The following PTPRD variants were observed in gnomAD, a reference collection of about 807,000 sequenced individuals.
PTPRD encodes protein tyrosine phosphatase receptor type D.
In PTPRD, 34 loss-of-function variants were observed where a neutral mutation model predicts 214.5. The observed-to-expected ratio is 0.16, with a 90% CI of 0.12 to 0.21. The LOEUF (loss-of-function observed/expected upper bound fraction) is 0.21, where lower values mean the gene tolerates loss of function less well. Among genes scored for constraint, PTPRD ranks in the 10% least tolerant of loss-of-function variants. PTPRD has a pLI of 1.00. For synonymous variants in PTPRD, 1,128 were observed against 845.7 expected (o/e 1.33, Z -5.79); for missense variants, 2,545 against 2,398.7 (o/e 1.06, Z -1.27).
chr9:9,146,127 T>G (rs930566938), intron 10 of PTPRD, among the ~76,000 whole-genome samples: 1 of 152,220 alleles, frequency 6.6e-6, no homozygotes, highest in South Asian at 2.1e-4. Flanking sequence ...CATTTTCCAC[T>G]GTGATAATTT....
At chr9:8,473,681 T>A (rs1318195814) in intron 30 of PTPRD, among the ~76,000 whole-genome samples, 1 of 151,742 alleles carries the variant, frequency 6.6e-6, no homozygotes, top group Non-Finnish European at 1.5e-5. Context: ...GCCATTCTTG[T>A]ACATGAAAAA....
rs779055381 is a variant in PTPRD at position 9,764,243 on chromosome 9, A to AT, written c.-326+2566dup. ...ATTATGGGCATGCTATGGAGGTATA[A>AT]TTTTTTCTAATCTATCTACATTTTA... On this transcript the variant is annotated intron_variant, in intron 6 of 45. Transcript: ENST00000381196. Among the ~76,000 whole-genome samples, 16 of 152,214 alleles carry AT rather than the reference A, an allele frequency of 1.1e-4. No homozygotes were observed. The South Asian group carries it at 2.3e-3, about 22-fold the overall frequency.
chr9:9,953,693 C>T (rs1179963854), intron 4 of PTPRD, among the ~76,000 whole-genome samples: 1 of 152,130 alleles, frequency 6.6e-6, no homozygotes, highest in African/African-American at 2.4e-5. Context: ...TCCCCTCAGT[C>T]CCATGTTTAT....
intron 2 of PTPRD, among the ~76,000 whole-genome samples, chr9:10,527,086 A>C (rs2054526498): frequency 6.6e-6 from 1 of 152,194 alleles, no homozygotes; most frequent in Non-Finnish European, 1.5e-5. Flanking sequence ...CAGAGTAATA[A>C]ATTAGACAAA....
chr9:9,738,735 C>G (rs527729978), intron 6 of PTPRD, among the ~76,000 whole-genome samples: 1 of 152,092 alleles, frequency 6.6e-6, no homozygotes, highest in African/African-American at 2.4e-5. Flanking sequence ...AACCACCACA[C>G]CTGACCTCTT....
intron 5 of PTPRD, among the ~76,000 whole-genome samples, chr9:9,890,650 C>T (rs1023027111): frequency 2.6e-5 from 4 of 151,842 alleles, no homozygotes; most frequent in Non-Finnish European, 5.9e-5. Flanking sequence ...ATGAATGACC[C>T]CCAAAACAAT....
At chr9:9,473,488 A>G (rs1352707178) in intron 8 of PTPRD, among the ~76,000 whole-genome samples, 1 of 152,154 alleles carries the variant, frequency 6.6e-6, no homozygotes, top group Admixed American at 6.5e-5. Flanking sequence ...AAAAATACCC[A>G]GGAGTGAGAT....
intron 10 of PTPRD, among the ~76,000 whole-genome samples, chr9:9,183,013 G>T (rs1271448671): frequency 6.6e-6 from 1 of 151,724 alleles, no homozygotes; most frequent in Non-Finnish European, 1.5e-5. Flanking sequence ...AAATTTAACC[G>T]ATTGTTAGAT....
chr9:9,039,304 T>G (rs955435043), intron 10 of PTPRD, among the ~76,000 whole-genome samples: 1 of 152,194 alleles, frequency 6.6e-6, no homozygotes, highest in African/African-American at 2.4e-5. Flanking sequence ...GCGGAGGAAT[T>G]CCTACCCCAT....
intron 5 of PTPRD, among the ~76,000 whole-genome samples, chr9:9,829,493 G>C (rs116621952): frequency 0.017 from 2,580 of 151,840 alleles, 66 homozygotes; most frequent in African/African-American, 0.059. Context: ...GATGATCCTA[G>C]AGAAAAATTC....
At chr9:10,057,929 C>T (rs365070) in intron 3 of PTPRD, among the ~76,000 whole-genome samples, 19,040 of 151,436 alleles carry the variant, frequency 0.13, 2,266 homozygotes, top group African/African-American at 0.31. Flanking sequence ...ATGACAGTGA[C>T]ATGGATATTA....
At chr9:8,730,091 C>A (rs1396994886) in intron 12 of PTPRD, among the ~76,000 whole-genome samples, 1 of 151,986 alleles carries the variant, frequency 6.6e-6, no homozygotes, top group African/African-American at 2.4e-5. Flanking sequence ...CCCGTCTCTA[C>A]TAAATATACA....
intron 29 of PTPRD, among the ~76,000 whole-genome samples, chr9:8,484,599 C>A (rs2135812629): frequency 8.2e-6 from 1 of 121,672 alleles, no homozygotes; most frequent in Admixed American, 7.9e-5. Context: ...ATCAAAAATA[C>A]ACAAAGATAG....
chr9:9,596,172 A>G (rs1049806923), intron 7 of PTPRD, among the ~76,000 whole-genome samples: 1 of 151,970 alleles, frequency 6.6e-6, no homozygotes, highest in Admixed American at 6.6e-5. Flanking sequence ...AATAATTTAT[A>G]CATTGTATTT....
At chr9:9,194,984 C>CGTGT (rs142990152) in intron 9 of PTPRD, among the ~76,000 whole-genome samples, 10 of 148,174 alleles carry the variant, frequency 6.7e-5, no homozygotes, top group South Asian at 2.1e-4. Flanking sequence ...TTGAACCCTA[C>CGTGT]GTGTGTGTGT....
chr9:8,902,288 C>T (rs552618644), intron 11 of PTPRD, among the ~76,000 whole-genome samples: 7 of 152,082 alleles, frequency 4.6e-5, no homozygotes, highest in African/African-American at 2.4e-5. Context: ...CACCTCATGA[C>T]CCAACCCAGA....
Position 9,193,597 on chromosome 9 carries a change from G to A in PTPRD, c.-202-10234C>T, listed in dbSNP as rs558161327. ...CGCCTACACATCATGTTACCATGCT[G>A]AATACTGTAGGCAACTGTAACACAA... On this transcript the variant is annotated intron_variant, in intron 9 of 45. Transcript: ENST00000381196. Among the ~76,000 whole-genome samples, 3 of 152,256 alleles carry A rather than the reference G, an allele frequency of 2.0e-5. No homozygotes were observed. The South Asian group carries it at 6.2e-4, about 32-fold the overall frequency.
chr9:8,913,907 A>T (rs551241419), intron 11 of PTPRD, among the ~76,000 whole-genome samples: 1 of 152,254 alleles, frequency 6.6e-6, no homozygotes, highest in South Asian at 2.1e-4. Flanking sequence ...TGTCTATTCA[A>T]CAAATATTTA....
chr9:10,045,610 A>G (rs947145665), intron 3 of PTPRD, among the ~76,000 whole-genome samples: 2 of 151,734 alleles, frequency 1.3e-5, no homozygotes, highest in African/African-American at 4.8e-5. Context: ...AGTAAATGTA[A>G]AATGGAATGA....
Sources: gnomAD v4.1 joint callset for allele counts (sites outside exome capture counted in the v4.1 genomes callset) on GRCh38, gnomAD v4.1.1 for gene constraint, MANE v1.5 for transcripts, NCBI Gene and HGNC (gene_info 2026-07-23, HGNC 2026-07-21) for gene names.